Variants in ZNF680 observed in about 807,000 individuals in gnomAD.
ZNF680 encodes the protein zinc finger protein 680.
Under a neutral mutation model 12.1 loss-of-function variants are expected in ZNF680, and 6 were observed. The observed-to-expected ratio is 0.49, with a 90% CI of 0.27 to 0.98. The LOEUF (loss-of-function observed/expected upper bound fraction) is 0.98, where lower values mean the gene tolerates loss of function less well. Ranked by LOEUF, ZNF680 falls within the 50% of genes least tolerant of loss-of-function variation. The pLI is 0.12. For missense variants in ZNF680, 561 were observed against 616.3 expected (o/e 0.91, Z 0.95); for synonymous variants, 170 against 199.3 (o/e 0.85, Z 1.24).
intron 3 of ZNF680, among the ~76,000 whole-genome samples, chr7:64,534,289 A>G (rs1417791638): frequency 6.6e-6 from 1 of 152,216 alleles, no homozygotes; most frequent in Non-Finnish European, 1.5e-5. Flanking sequence ...TAATATCCAG[A>G]ATCTACAATG....
intron 1 of ZNF680, among the ~76,000 whole-genome samples, chr7:64,557,046 T>G (rs1001442168): frequency 6.6e-6 from 1 of 151,958 alleles, no homozygotes; most frequent in Non-Finnish European, 1.5e-5. Context: ...GCCAGGAGAT[T>G]GAGACCATCC....
chr7:64,503,378 C>CTT, the ZNF680 span, among the ~76,000 whole-genome samples: 1,870 of 89,770 alleles, frequency 0.021, 2 homozygotes, highest in Non-Finnish European at 0.026. Context: ...AACTGGAAGG[C>CTT]TTTTTTTTTT....
At chr7:64,553,938 C>A (rs1787233314) in intron 1 of ZNF680, among the ~76,000 whole-genome samples, 1 of 152,182 alleles carries the variant, frequency 6.6e-6, no homozygotes, top group African/African-American at 2.4e-5. Context: ...CTCGCTACAA[C>A]CTCCACCTCC....
chr7:64,559,851 A>G (rs1787633980), intron 1 of ZNF680, among the ~76,000 whole-genome samples: 7 of 152,148 alleles, frequency 4.6e-5, no homozygotes, highest in Admixed American at 4.6e-4. Context: ...TTCCTTTTAG[A>G]TAATAAATGT....
At chr7:64,511,513 T>G in the ZNF680 span, among the ~76,000 whole-genome samples, 1 of 151,938 alleles carries the variant, frequency 6.6e-6, no homozygotes, top group Non-Finnish European at 1.5e-5. Context: ...TGTTGTCCTC[T>G]AAAAAATAGT....
intron 3 of ZNF680, among the ~76,000 whole-genome samples, chr7:64,543,106 G>A (rs1375604884): frequency 1.3e-5 from 2 of 151,488 alleles, no homozygotes; most frequent in African/African-American, 2.4e-5. Flanking sequence ...ACTCCCTATC[G>A]AAATTCCAGT....
the ZNF680 span, among the ~76,000 whole-genome samples, chr7:64,505,073 C>A: frequency 1.3e-5 from 2 of 152,156 alleles, no homozygotes; most frequent in Non-Finnish European, 2.9e-5. Context: ...TTTGAAAATC[C>A]TTTAGCCAGA....
At chr7:64,512,937 A>G in the ZNF680 span, among the ~76,000 whole-genome samples, 7 of 152,228 alleles carry the variant, frequency 4.6e-5, no homozygotes, top group African/African-American at 7.2e-5. Flanking sequence ...TTATTAATAA[A>G]GTATAAATGT....
the ZNF680 span, among the ~76,000 whole-genome samples, chr7:64,503,995 T>C: frequency 6.6e-6 from 1 of 152,214 alleles, no homozygotes; most frequent in Non-Finnish European, 1.5e-5. Context: ...GTGCTTGTGG[T>C]AAAATATTAC....
At chr7:64,515,825 C>A (rs545417443), downstream of ZNF680, among the ~76,000 whole-genome samples, 2 of 91,566 alleles carry the variant, frequency 2.2e-5, no homozygotes, top group South Asian at 7.8e-4. Context: ...TGGGCACTCA[C>A]CTTTATTTAA....
chr7:64,540,453 C>T (rs1458814632), intron 3 of ZNF680, among the ~76,000 whole-genome samples: 2 of 151,838 alleles, frequency 1.3e-5, no homozygotes, highest in Admixed American at 6.6e-5. Flanking sequence ...TACAGGCACC[C>T]GCTACCACAC....
Position 64,521,309 on chromosome 7 carries a change from C to A in ZNF680, c.1445G>T (p.Arg482Ile). The part of the protein sequence containing the change: ...NWPATLANHK[R>I]IHAREKPYKC... ...GTAGGGTTTCTCTCTAGCATGAATT[C>A]TCTTATGATTAGCAAGAGTTGCAGG... Residue 482 changes from arginine (R) to isoleucine (I), a missense_variant, in exon 4 of 4, where the codon AGA becomes ATA. By Grantham distance (97) the Arg-to-Ile change is moderately conservative. Transcript: ENST00000309683. 3 of 1,612,374 alleles carry A rather than the reference C, an allele frequency of 1.9e-6. No individual in the cohort carries two copies. The highest frequency in any genetic ancestry group is 2.5e-6 in the Non-Finnish European group (3 of 1,179,106).
intron 3 of ZNF680, among the ~76,000 whole-genome samples, chr7:64,537,549 T>G (rs1180960231): frequency 6.6e-6 from 1 of 152,136 alleles, no homozygotes; most frequent in Non-Finnish European, 1.5e-5. Context: ...AAAAAAGCAT[T>G]ATACTTCCTG....
the ZNF680 span, among the ~76,000 whole-genome samples, chr7:64,510,233 A>T: frequency 4.6e-5 from 7 of 151,430 alleles, no homozygotes; most frequent in Admixed American, 4.0e-4. Context: ...CGTAATAAAA[A>T]AAAAAAAAAC....
rs1205920832 is a variant in ZNF680, at chr7:64,554,436, T to C, written c.30+8489A>G. On this transcript the variant is annotated intron_variant, in intron 1 of 3. Transcript: ENST00000309683. ...TGGGGGGCAGCCCCCACCCGGCCGC[T>C]GCCCCGTCTGGGAGGTGGGGGGGCG... is the stretch of plus-strand genomic sequence containing the variant. Among the ~76,000 whole-genome samples the C allele has an allele frequency of 6.0e-5, 9 of 149,588 alleles. No homozygotes were observed. The East Asian group carries it at 1.8e-3, about 31-fold the overall frequency.
chr7:64,531,036 G>T (rs1020912527), intron 3 of ZNF680, among the ~76,000 whole-genome samples: 3 of 151,856 alleles, frequency 2.0e-5, no homozygotes, highest in African/African-American at 7.3e-5. Flanking sequence ...GTAAGAGTGG[G>T]GAATTTCAAT....
At chr7:64,544,470 A>T (rs771728990) in intron 1 of ZNF680, 38 bp from the exon 2 acceptor site, 13 of 1,533,992 alleles carry the variant, frequency 8.5e-6, no homozygotes, top group South Asian at 1.2e-5. Flanking sequence ...ACACACACAC[A>T]CTTATATATT....
At chr7:64,532,560 A>C (rs2116431254) in intron 3 of ZNF680, among the ~76,000 whole-genome samples, 1 of 152,242 alleles carries the variant, frequency 6.6e-6, no homozygotes, top group East Asian at 1.9e-4. Flanking sequence ...AAAGTCCAAG[A>C]CCAGACAGAT....
intron 3 of ZNF680, among the ~76,000 whole-genome samples, chr7:64,529,480 T>G (rs1272914164): frequency 6.6e-6 from 1 of 151,644 alleles, no homozygotes; most frequent in Non-Finnish European, 1.5e-5. Context: ...AATCAAAACT[T>G]CAGGAAACAC....
Sources: gnomAD v4.1 joint callset for allele counts (sites outside exome capture counted in the v4.1 genomes callset) on GRCh38, gnomAD v4.1.1 for gene constraint, MANE v1.5 for transcripts, NCBI Gene and HGNC (gene_info 2026-07-23, HGNC 2026-07-21) for gene names.